SLC6A18: variants seen among roughly 807,000 people sequenced by gnomAD.
The protein encoded by SLC6A18 is solute carrier family 6 member 18, also known as inactive sodium-dependent neutral amino acid transporter B(0)AT3.
Under a neutral mutation model 62.9 loss-of-function variants are expected in SLC6A18, and 58 were observed. The observed-to-expected ratio is 0.92, with a 90% CI of 0.75 to 1.15. SLC6A18 has a LOEUF of 1.15. Ranked by LOEUF, SLC6A18 falls within the 50% of genes most tolerant of loss-of-function variation. The pLI is 0.00. For synonymous variants in SLC6A18, 382 were observed against 365.8 expected (o/e 1.04, Z -0.51); for missense variants, 793 against 836.6 (o/e 0.95, Z 0.64).
chr5:1,232,775 T>G lies in SLC6A18; in HGVS notation c.326T>G (p.Phe109Cys). The G allele has an allele frequency of 1.2e-6, 2 of 1,613,458 alleles. No homozygotes were observed. The highest frequency in any genetic ancestry group is 1.7e-6 in the Non-Finnish European group (2 of 1,179,946). The change falls in exon 3 of 12, where the codon TTC (phenylalanine) becomes TGC (cysteine). Residue 109 changes from phenylalanine to cysteine, a missense_variant. Physicochemically the swap from Phe to Cys is radical, Grantham distance 205. Transcript: ENST00000324642. ...GGGCTGGGCTGTGTCACGCTGTCCTTCCTGATCAGCCTGTACTACAACACC... is the reference window on the plus strand; with the variant it reads ...GGGCTGGGCTGTGTCACGCTGTCCTGCCTGATCAGCCTGTACTACAACACC... Reference protein sequence around the residue: ...GVGLGCVTLSFLISLYYNTIV... With the variant: ...GVGLGCVTLSCLISLYYNTIV...
At chr5:1,228,879 A>C (rs531184716) in intron 1 of SLC6A18, among the ~76,000 whole-genome samples, 4 of 152,214 alleles carry the variant, frequency 2.6e-5, no homozygotes, top group Non-Finnish European at 5.9e-5. Context: ...CTCAAAACAA[A>C]CACCCAAAAA....
At chr5:1,240,458 T>A in intron 6 of SLC6A18, 73 bp from the exon 7 acceptor site, 1 of 1,591,692 alleles carries the variant, frequency 6.3e-7, no homozygotes, top group South Asian at 1.1e-5. Context: ...GGAAGCCCCC[T>A]CCTCACTTCC....
chr5:1,244,394 G>A (rs1185381690), intron 10 of SLC6A18, 21 bp downstream of exon 10: 5 of 1,613,436 alleles, frequency 3.1e-6, no homozygotes, highest in South Asian at 1.1e-5. Flanking sequence ...GCCCCGCCGA[G>A]TGCTCCTCTG....
In SLC6A18 at chr5:1,235,652, C is replaced by G; in HGVS notation, c.611C>G (p.Thr204Ser). The change falls in exon 4 of 12, where the codon ACT (threonine) becomes AGT (serine). Residue 204 changes from threonine (T) to serine (S), a missense_variant. Transcript: ENST00000324642. ...VYMCVIRGIE[T>S]TGKVIYFTAL... Reference sequence around the variant, plus strand: ...ATGTGTGTCATCAGGGGCATTGAGACTACAGGGAAGGTGAGAGCTGGCAGG... The same window carrying G: ...ATGTGTGTCATCAGGGGCATTGAGAGTACAGGGAAGGTGAGAGCTGGCAGG... 6.2e-7 allele frequency: 1 copy of G among 1,613,808 alleles called. No individual in the cohort carries two copies. Among genetic ancestry groups the G allele is most frequent in the Non-Finnish European group, 8.5e-7 (1 of 1,179,938 alleles).
intron 3 of SLC6A18, among the ~76,000 whole-genome samples, chr5:1,234,337 G>A (rs1300177781): frequency 3.3e-5 from 5 of 152,204 alleles, no homozygotes; most frequent in African/African-American, 1.2e-4. Flanking sequence ...GCCAGAGCTG[G>A]GCACCCTGGG....
chr5:1,244,355 A>ATGTT lies in SLC6A18; in HGVS notation c.1480_1483dup (p.Tyr495CysfsTer10). 1 of 1,613,840 alleles carries ATGTT rather than the reference A, an allele frequency of 6.2e-7. No homozygotes were observed. Among genetic ancestry groups the ATGTT allele is most frequent in the Non-Finnish European group, 8.5e-7 (1 of 1,179,922 alleles). On this transcript the variant is annotated frameshift_variant, in exon 10 of 12. Coordinates refer to ENST00000324642, the MANE Select transcript of SLC6A18 (RefSeq NM_182632.3). LOFTEE classifies it high-confidence loss of function. ...TTTCTCGAGGTTGTGGGTGTCGTTT[A>ATGTT]TGTTTATGGAATGAAACGGTGAGCT...
chr5:1,236,096 C>T (rs1561177728), intron 4 of SLC6A18, among the ~76,000 whole-genome samples: 1 of 151,876 alleles, frequency 6.6e-6, no homozygotes, highest in Non-Finnish European at 1.5e-5. Context: ...TTGGGTTTAG[C>T]TCTGTCCTCA....
rs2126533451 is a variant in SLC6A18 at position 1,235,499 on chromosome 5, A to C, written c.458A>C (p.Gln153Pro). Reference protein sequence around the residue: ...LNRTGFVEECQGSSAVSYFWY... With the variant: ...LNRTGFVEECPGSSAVSYFWY... ...GTTTCAGGGTTTGTGGAGGAGTGCC[A>C]GGGCAGCAGCGCCGTGAGCTACTTC... The change falls in exon 4 of 12, where the codon CAG (glutamine) becomes CCG (proline). Residue 153 changes from glutamine to proline, a missense_variant. Transcript: ENST00000324642. 1 of 1,613,878 alleles carries C rather than the reference A, an allele frequency of 6.2e-7. No individual in the cohort carries two copies. The highest frequency in any genetic ancestry group is 8.5e-7 in the Non-Finnish European group (1 of 1,179,918).
Position 1,240,646 on chromosome 5 carries a change from C to T in SLC6A18, c.961C>T (p.His321Tyr). 1 of 1,613,958 alleles carries T rather than the reference C, an allele frequency of 6.2e-7. No homozygotes were observed. ...LGFKATNDYEHCLDRNILSLI... is the reference protein window; with the variant it reads ...LGFKATNDYEYCLDRNILSLI... ...GTTCAAAGCAACTAATGACTACGAGCACTGCCTGGACAGGTGAGCACAGGT... is the reference window on the plus strand; with the variant it reads ...GTTCAAAGCAACTAATGACTACGAGTACTGCCTGGACAGGTGAGCACAGGT... The change falls in exon 7 of 12, where the codon CAC (histidine) becomes TAC (tyrosine). Residue 321 changes from histidine (H) to tyrosine (Y), a missense_variant. Transcript: ENST00000324642.
rs1319569693 is a variant in SLC6A18, at chr5:1,245,904, T to G, written c.1713T>G (p.Cys571Trp). The change falls in exon 12 of 12, where the codon TGT (cysteine) becomes TGG (tryptophan). Residue 571 changes from cysteine to tryptophan, a missense_variant. Physicochemically the swap from Cys to Trp is radical, Grantham distance 215. Coordinates refer to ENST00000324642, the MANE Select transcript of SLC6A18 (RefSeq NM_182632.3). ...ACCCGGGCTGGGCGCGCGCCGCCTG[T>G]GTGCTGCTGTCCTTGCTGCCCGTGC... ...KLYPGWARAA[C>W]VLLSLLPVLW... is the part of the protein sequence containing the mutation. 1 of 1,607,368 alleles carries G rather than the reference T, an allele frequency of 6.2e-7. No individual in the cohort carries two copies. Among genetic ancestry groups the G allele is most frequent in the African/African-American group, 1.3e-5 (1 of 74,784 alleles).
chr5:1,244,194 C>T lies in SLC6A18; in HGVS notation c.1337-20C>T, dbSNP rs1347709415. On this transcript the variant is annotated intron_variant, in intron 9 of 11. Transcript: ENST00000324642. ...ACTCCCCATCCCCTTACCCCCCACACCCCTTTCCCACTGCCCCAGGGCTGG... is the reference window on the plus strand; with the variant it reads ...ACTCCCCATCCCCTTACCCCCCACATCCCTTTCCCACTGCCCCAGGGCTGG... The T allele has an allele frequency of 6.5e-7, 1 of 1,545,950 alleles. No homozygotes were observed. Among genetic ancestry groups the T allele is most frequent in the Middle Eastern group, 2.2e-4 (1 of 4,502 alleles).
chr5:1,230,050 G>T (rs1374877302), intron 1 of SLC6A18, among the ~76,000 whole-genome samples: 1 of 150,982 alleles, frequency 6.6e-6, no homozygotes, highest in Non-Finnish European at 1.5e-5. Flanking sequence ...GCTGGAGGTG[G>T]GGGAGGGAAA....
chr5:1,239,610 G>C, intron 6 of SLC6A18, 48 bp downstream of exon 6: 1 of 1,401,060 alleles, frequency 7.1e-7, no homozygotes, highest in Admixed American at 1.7e-5. Context: ...TTGGGGAGAC[G>C]CCCGAGCACT....
At chr5:1,232,668 T>C in intron 2 of SLC6A18, 83 bp from the exon 3 acceptor site, 1 of 1,515,942 alleles carries the variant, frequency 6.6e-7, no homozygotes, top group Non-Finnish European at 8.9e-7. Context: ...TTTATGTTGT[T>C]ATTTTGTTTT....
chr5:1,243,759 GGT>G lies in SLC6A18; in HGVS notation c.1336+2_1336+3del, dbSNP rs780052917. Reference sequence around the variant, plus strand: ...ATGGGTCCCCAAGGAGGCCCTGACTGGTGAGCGCACAGCTCCGCCGCCCTGGA... The same window carrying G: ...ATGGGTCCCCAAGGAGGCCCTGACTGGAGCGCACAGCTCCGCCGCCCTGGA... On this transcript the variant is annotated splice_donor_variant, in intron 9 of 11. Coordinates refer to ENST00000324642, the MANE Select transcript of SLC6A18 (RefSeq NM_182632.3). LOFTEE classifies it high-confidence loss of function. This position sits in a 1 kb window ranked among gnomAD's most constrained non-coding sequence, Gnocchi z 6.5. 1 of 1,601,548 alleles carries G rather than the reference GGT, an allele frequency of 6.2e-7. No homozygotes were observed. Among genetic ancestry groups the G allele is most frequent in the Non-Finnish European group, 8.5e-7 (1 of 1,173,222 alleles).
chr5:1,234,514 G>A (rs1423496822), intron 3 of SLC6A18, among the ~76,000 whole-genome samples: 1 of 152,224 alleles, frequency 6.6e-6, no homozygotes, highest in Admixed American at 6.5e-5. Flanking sequence ...CTTCTACCTT[G>A]TCCAAGCGTT....
intron 1 of SLC6A18, among the ~76,000 whole-genome samples, chr5:1,227,070 G>A (rs1299965172): frequency 2.1e-5 from 3 of 142,926 alleles, no homozygotes; most frequent in Admixed American, 6.9e-5. Flanking sequence ...CTTGCCCGCC[G>A]ACCCCTTGCC....
chr5:1,240,481 G>A, intron 6 of SLC6A18, 50 bp from the exon 7 acceptor site: 2 of 1,608,086 alleles, frequency 1.2e-6, no homozygotes, highest in Middle Eastern at 1.7e-4. Flanking sequence ...CCCTGGATGA[G>A]GCCCAGTTAC....
rs1747143245 is a variant in SLC6A18 at position 1,244,068 on chromosome 5, G to C, written c.1337-146G>C. ...ACTGGGGAGGGCAGGGATGGAGGGT[G>C]GGAAGCCGAGAGAAGTCTCCAGCCC... is the stretch of plus-strand genomic sequence containing the variant. On this transcript the variant is annotated intron_variant, in intron 9 of 11. Transcript: ENST00000324642. The C allele has an allele frequency of 4.4e-6, 3 of 679,470 alleles. No homozygotes were observed. In the Admixed American group the frequency reaches 8.2e-5, roughly 19 times the overall value. The allele number at this position is 679,470 out of a possible 1,614,324, so 42.1% of individuals were successfully genotyped here. A position where few individuals can be genotyped will look rare whatever the true frequency, so the allele number is the denominator to read the frequency against.
Sources: allele counts gnomAD v4.1 joint callset (sites outside exome capture counted in the v4.1 genomes callset), GRCh38; gene constraint gnomAD v4.1.1; non-coding constraint Gnocchi (gnomAD v3.1); transcripts MANE v1.5; gene names NCBI Gene and HGNC (gene_info 2026-07-23, HGNC 2026-07-21).